KIF15: variants seen among roughly 807,000 people sequenced by gnomAD.
KIF15 encodes kinesin family member 15.
In KIF15, 140 loss-of-function variants were observed where a neutral mutation model predicts 190.6. That is an observed-to-expected ratio of 0.73 (90% CI 0.64 to 0.84). The LOEUF is 0.84. Among genes scored for constraint, KIF15 ranks in the 40% least tolerant of loss-of-function variants. The pLI is 0.00. For synonymous variants in KIF15, 528 were observed against 551.3 expected (o/e 0.96, Z 0.59); for missense variants, 1,372 against 1,584.4 (o/e 0.87, Z 2.28).
chr3:44,814,832 A>G lies in KIF15; in HGVS notation c.2384-79A>G, dbSNP rs1026032612. 5 of 1,102,538 alleles carry G rather than the reference A, an allele frequency of 4.5e-6. No homozygotes were observed. In the African/African-American group the frequency reaches 8.1e-5, roughly 18 times the overall value. The allele number at this position is 1,102,538 out of a possible 1,614,324, so 68.3% of individuals were successfully genotyped here. On this transcript the variant is annotated intron_variant, in intron 19 of 34. Coordinates refer to ENST00000326047, the MANE Select transcript of KIF15 (RefSeq NM_020242.3). The stretch of plus-strand genomic sequence containing the variant: ...ATAGTCTCTTCGACTTGATTTTGCT[A>G]ATTGTGGGACTAGTACCTATCAGAT...
intron 34 of KIF15, 40 bp from the exon 35 acceptor site, chr3:44,852,633 G>T (rs775802941): frequency 1.4e-5 from 20 of 1,438,386 alleles, no homozygotes; most frequent in South Asian, 1.2e-5. Context: ...AAGAATTAGA[G>T]CCTTATTTTT....
chr3:44,827,515 A>G lies in KIF15; in HGVS notation c.2843A>G (p.Lys948Arg). ...CAGGAGAAACAGAAAGAGACGGCCA[A>G]GTGTGAGCAGCAGGTAAAATTCCTG... is the stretch of plus-strand genomic sequence containing the variant. The part of the protein sequence containing the change: ...VRQEKQKETA[K>R]CEQQMAKVQK... The change falls in exon 23 of 35, where the codon AAG becomes AGG. Residue 948 changes from lysine to arginine, a missense_variant. Physicochemically the swap from Lys to Arg is conservative, Grantham distance 26. Coordinates refer to ENST00000326047, the MANE Select transcript of KIF15 (RefSeq NM_020242.3). 6.2e-7 allele frequency: 1 copy of G among 1,610,726 alleles called. No homozygotes were observed. Among genetic ancestry groups the G allele is most frequent in the East Asian group, 2.2e-5 (1 of 44,838 alleles).
chr3:44,831,229 G>C (rs1026681548), intron 26 of KIF15, among the ~76,000 whole-genome samples: 7 of 152,058 alleles, frequency 4.6e-5, no homozygotes, highest in Admixed American at 2.6e-4. Context: ...TGCTTGCTGT[G>C]CCTGAGATAC....
At chr3:44,856,868 A>C (rs143494154), downstream of KIF15, among the ~76,000 whole-genome samples, 127 of 152,298 alleles carry the variant, frequency 8.3e-4, 1 homozygote, top group East Asian at 0.023. Flanking sequence ...GAAGGCATAG[A>C]GTCAGTATAA....
intron 15 of KIF15, 102 bp downstream of exon 15, chr3:44,805,270 T>A: frequency 1.8e-6 from 2 of 1,117,546 alleles, no homozygotes; most frequent in Non-Finnish European, 2.6e-6. Flanking sequence ...CTTTAAATAT[T>A]AAACTCTCAT....
intron 6 of KIF15, among the ~76,000 whole-genome samples, chr3:44,861,581 CTTTAATAAG>C (rs1157344916): frequency 6.6e-6 from 1 of 152,118 alleles, no homozygotes; most frequent in Non-Finnish European, 1.5e-5. Context: ...CGTTAGGCAT[CTTTAATAAG>C]TTTCACCGGG....
intron 27 of KIF15, 122 bp from the exon 28 acceptor site, chr3:44,840,233 A>G: frequency 1.7e-6 from 1 of 587,126 alleles, no homozygotes; most frequent in Non-Finnish European, 3.0e-6. Flanking sequence ...GCGAAGTGAT[A>G]TCTCATTGTG....
chr3:44,802,344 A>C (rs967484417), intron 13 of KIF15, among the ~76,000 whole-genome samples: 1 of 152,018 alleles, frequency 6.6e-6, no homozygotes, highest in Non-Finnish European at 1.5e-5. Context: ...TTGTGGGAAA[A>C]CCCAAAATCT....
chr3:44,846,707 GA>G (rs1230027771), intron 30 of KIF15, among the ~76,000 whole-genome samples: 3 of 150,720 alleles, frequency 2.0e-5, no homozygotes, highest in Non-Finnish European at 4.4e-5. Context: ...CGGGGAGGTG[GA>G]GGTTGTAGTA....
At chr3:44,781,175 A>T (rs115732736) in intron 5 of KIF15, among the ~76,000 whole-genome samples, 47 of 152,326 alleles carry the variant, frequency 3.1e-4, no homozygotes, top group African/African-American at 1.1e-3. Flanking sequence ...GTAGGATTTA[A>T]TGAATTCGTA....
intron 13 of KIF15, 83 bp downstream of exon 13, chr3:44,802,057 T>A: frequency 3.3e-6 from 3 of 911,702 alleles, no homozygotes; most frequent in Non-Finnish European, 5.0e-6. Context: ...ACTTGTTCTT[T>A]AATACAATGG....
intron 1 of KIF15, among the ~76,000 whole-genome samples, chr3:44,762,945 G>A (rs186751501): frequency 2.4e-3 from 358 of 152,130 alleles, no homozygotes; most frequent in Non-Finnish European, 4.0e-3. Context: ...TCCACTTTAT[G>A]GATCAGTCAC....
Position 44,817,722 on chromosome 3 carries a change from G to A in KIF15, c.2549+2646G>A, listed in dbSNP as rs79274879. 3.6e-3 allele frequency among the ~76,000 whole-genome samples: 552 copies of A among 152,274 alleles called. 4 individuals are homozygous for A. The highest frequency in any genetic ancestry group is 0.025 in the Admixed American group (388 of 15,284). ...TGGCTTAGGATTGTCTTGGCAATGCGGGCTCTTTTTTGGTTACATATGAAC... is the reference window on the plus strand; with the variant it reads ...TGGCTTAGGATTGTCTTGGCAATGCAGGCTCTTTTTTGGTTACATATGAAC... On this transcript the variant is annotated intron_variant, in intron 20 of 34. Transcript: ENST00000326047.
At chr3:44,862,401 GACCTAAA>G (rs1248344884) in intron 6 of KIF15, 1 of 153,962 alleles carries the variant, frequency 6.5e-6, no homozygotes, top group Non-Finnish European at 1.4e-5. Flanking sequence ...CCTTACCAGG[GACCTAAA>G]ACCTTTTCTC....
At chr3:44,825,234 A>ATATATC (rs1473243196) in intron 20 of KIF15, among the ~76,000 whole-genome samples, 14 of 152,184 alleles carry the variant, frequency 9.2e-5, no homozygotes, top group Admixed American at 9.2e-4. Context: ...TGTCTACTTT[A>ATATATC]TATATCTATA....
intron 20 of KIF15, among the ~76,000 whole-genome samples, chr3:44,821,935 A>C (rs1414415455): frequency 1.3e-5 from 2 of 152,354 alleles, no homozygotes; most frequent in East Asian, 3.9e-4. Context: ...CAGCCCGGCC[A>C]ACACAGCGAA....
At chr3:44,845,999 G>A (rs555302074) in intron 30 of KIF15, among the ~76,000 whole-genome samples, 32 of 152,316 alleles carry the variant, frequency 2.1e-4, no homozygotes, top group African/African-American at 7.5e-4. Context: ...GTCATAGCTT[G>A]CATACCCTGC....
chr3:44,787,574 A>G (rs915251071), intron 7 of KIF15, among the ~76,000 whole-genome samples: 1 of 152,186 alleles, frequency 6.6e-6, no homozygotes, highest in Non-Finnish European at 1.5e-5. Context: ...GTATGTGTAT[A>G]CATACATACT....
At chr3:44,801,704 AC>A in intron 12 of KIF15, 60 bp from the exon 13 acceptor site, 7 of 1,146,490 alleles carry the variant, frequency 6.1e-6, no homozygotes, top group Non-Finnish European at 8.8e-6. Flanking sequence ...TGCTGGACTT[AC>A]GAAAATTTAG....
Sources: allele counts gnomAD v4.1 joint callset (sites outside exome capture counted in the v4.1 genomes callset), GRCh38; gene constraint gnomAD v4.1.1; transcripts MANE v1.5; gene names NCBI Gene and HGNC (gene_info 2026-07-23, HGNC 2026-07-21).